Variants in IL18R1 observed in about 807,000 individuals in gnomAD.
IL18R1 encodes interleukin-18 receptor 1.
In IL18R1, 40 loss-of-function variants were observed where a neutral mutation model predicts 48.5. The ratio of observed to expected loss-of-function variants is 0.82; its 90% confidence interval spans 0.64 to 1.07. The LOEUF (loss-of-function observed/expected upper bound fraction) is 1.07. Ranked by LOEUF, IL18R1 falls within the 50% of genes least tolerant of loss-of-function variation. The probability of loss-of-function intolerance (pLI) is 0.00; values close to 1 mark genes in which losing one functional copy is unlikely to be tolerated. For missense variants in IL18R1, 596 were observed against 633.7 expected (o/e 0.94, Z 0.64); for synonymous variants, 232 against 225.9 (o/e 1.03, Z -0.24).
chr2:102,361,577 A>C (rs2105028186), intron 1 of IL18R1, among the ~76,000 whole-genome samples: 1 of 152,344 alleles, frequency 6.6e-6, no homozygotes, highest in East Asian at 1.9e-4. Flanking sequence ...CAATAATTCC[A>C]GAAACAGGCC....
chr2:102,370,834 C>A (rs193143701), intron 3 of IL18R1, among the ~76,000 whole-genome samples: 2 of 152,162 alleles, frequency 1.3e-5, no homozygotes, highest in African/African-American at 2.4e-5. Context: ...TCCTTCTATC[C>A]TATTGTAGAC....
Position 102,396,597 on chromosome 2 carries a change from G to A in IL18R1, c.1337G>A (p.Ser446Asn). The A allele has an allele frequency of 6.2e-7, 1 of 1,613,454 alleles. No individual in the cohort carries two copies. Among genetic ancestry groups the A allele is most frequent in the Non-Finnish European group, 8.5e-7 (1 of 1,179,702 alleles). Residue 446 changes from serine (S) to asparagine (N), a missense_variant, in exon 11 of 11, where the codon AGT becomes AAT. By Grantham distance (46) the Ser-to-Asn change is conservative. Transcript: ENST00000233957. ...AGACTAATCATTGTCCTAAGTAAAA[G>A]TTATATGTCTAATGAGGTCAGGTAT... ...SRRLIIVLSKSYMSNEVRYEL... is the reference protein window; with the variant it reads ...SRRLIIVLSKNYMSNEVRYEL...
intron 5 of IL18R1, among the ~76,000 whole-genome samples, chr2:102,376,930 C>T (rs901006411): frequency 2.0e-5 from 3 of 152,210 alleles, no homozygotes; most frequent in South Asian, 2.1e-4. Context: ...TATCCCTTCT[C>T]GTAGCTTCCA....
Position 102,396,625 on chromosome 2 carries a change from A to T in IL18R1, c.1365A>T (p.Glu455Asp), listed in dbSNP as rs779052145. ...KSYMSNEVRY[E>D]LESGLHEALV... ...ATATGTCTAATGAGGTCAGGTATGA[A>T]CTTGAAAGTGGACTCCATGAAGCAT... Residue 455 changes from glutamate to aspartate, a missense_variant, in exon 11 of 11, where the codon GAA becomes GAT. This residue lies in a region of IL18R1 where 179 missense variants were observed against 206.1 expected (regional missense o/e 0.87). Coordinates refer to ENST00000233957, the MANE Select transcript of IL18R1 (RefSeq NM_003855.5). 6.2e-7 allele frequency: 1 copy of T among 1,613,502 alleles called. No individual in the cohort carries two copies.
At chr2:102,393,530 G>T (rs1478983933) in intron 9 of IL18R1, among the ~76,000 whole-genome samples, 1 of 152,210 alleles carries the variant, frequency 6.6e-6, no homozygotes, top group African/African-American at 2.4e-5. Flanking sequence ...AGGCTGGGCT[G>T]TTAAGCATAA....
Position 102,397,552 on chromosome 2 carries a change from G to A in IL18R1, c.*666G>A, listed in dbSNP as rs1048029898. 1 of 152,350 alleles carries A rather than the reference G, an allele frequency of 6.6e-6. No homozygotes were observed. The highest frequency in any genetic ancestry group is 1.5e-5 in the Non-Finnish European group (1 of 68,034). The allele number at this position is 152,350 out of a possible 1,614,324, so 9.4% of individuals were successfully genotyped here. Reference sequence around the variant, plus strand: ...ATGGGAACTTCTTAAAAGGACCCCAGAATAGCTCTTTATCTTTCACAAGAG... The same window carrying A: ...ATGGGAACTTCTTAAAAGGACCCCAAAATAGCTCTTTATCTTTCACAAGAG... On this transcript the variant is annotated 3_prime_UTR_variant, in exon 11 of 11. Coordinates refer to ENST00000233957, the MANE Select transcript of IL18R1 (RefSeq NM_003855.5).
intron 9 of IL18R1, among the ~76,000 whole-genome samples, chr2:102,390,833 T>C (rs1454884273): frequency 4.7e-5 from 7 of 148,626 alleles, no homozygotes; most frequent in Non-Finnish European, 7.4e-5. Flanking sequence ...CTCGGGAGGC[T>C]GAGGCAGGAG....
intron 8 of IL18R1, 50 bp from the exon 9 acceptor site, chr2:102,390,006 T>G: frequency 6.3e-7 from 1 of 1,590,384 alleles, no homozygotes; most frequent in Non-Finnish European, 8.6e-7. Flanking sequence ...TGGACAACAC[T>G]GGTAAGATTT....
At position 102,384,850 on chromosome 2, in the gene IL18R1, CAGAACTTT is replaced by C. The variant is rs746925277; in HGVS notation, c.689-25_689-18del. ...TTTAAGAAACCTGAGTTTCAAAAATCAGAACTTTAGTTGCCAACTTTTACCAGGAAAAA... is the reference window on the plus strand; with the variant it reads ...TTTAAGAAACCTGAGTTTCAAAAATCAGTTGCCAACTTTTACCAGGAAAAA... On this transcript the variant is annotated intron_variant, in intron 6 of 10. Coordinates refer to ENST00000233957, the MANE Select transcript of IL18R1 (RefSeq NM_003855.5). The C allele has an allele frequency of 1.6e-5, 26 of 1,602,332 alleles. No homozygotes were observed. The highest frequency in any genetic ancestry group is 4.3e-6 in the Non-Finnish European group (5 of 1,175,434).
At chr2:102,393,062 C>A (rs1680636302) in intron 9 of IL18R1, among the ~76,000 whole-genome samples, 1 of 152,070 alleles carries the variant, frequency 6.6e-6, no homozygotes, top group Non-Finnish European at 1.5e-5. Flanking sequence ...AATATAAACC[C>A]ATATTTGATG....
intron 5 of IL18R1, among the ~76,000 whole-genome samples, chr2:102,376,683 G>T (rs1679606101): frequency 6.6e-6 from 1 of 152,148 alleles, no homozygotes; most frequent in Admixed American, 6.5e-5. Flanking sequence ...CTGATGTGCT[G>T]GTGGGAGGGG....
intron 1 of IL18R1, among the ~76,000 whole-genome samples, chr2:102,359,256 G>A (rs1037290867): frequency 6.6e-6 from 1 of 152,098 alleles, no homozygotes; most frequent in Non-Finnish European, 1.5e-5. Context: ...TTAATTGTTG[G>A]TGGATGAAAA....
intron 3 of IL18R1, 110 bp from the exon 4 acceptor site, chr2:102,371,842 CT>C: frequency 1.5e-6 from 1 of 655,342 alleles, no homozygotes; most frequent in South Asian, 2.1e-5. Flanking sequence ...GAATCAATCT[CT>C]TTAATAAAAA....
At chr2:102,371,693 G>T (rs1450376900) in intron 3 of IL18R1, among the ~76,000 whole-genome samples, 1 of 152,054 alleles carries the variant, frequency 6.6e-6, no homozygotes, top group South Asian at 2.1e-4. Context: ...TAGGATATGT[G>T]CGTGTGTGCG....
Position 102,398,705 on chromosome 2 carries a change from G to A in IL18R1, c.*1819G>A, listed in dbSNP as rs1294827587. The A allele has an allele frequency of 6.6e-6, 1 of 152,294 alleles. No homozygotes were observed. Among genetic ancestry groups the A allele is most frequent in the Non-Finnish European group, 1.5e-5 (1 of 68,032 alleles). The allele number at this position is 152,294 out of a possible 1,614,324, so 9.4% of individuals were successfully genotyped here. ...GCATTAAATGCATTTCAAGTTAAAT[G>A]TCTTAAATGTATACATTAGATGTGT... On this transcript the variant is annotated 3_prime_UTR_variant, in exon 11 of 11. Transcript: ENST00000233957.
chr2:102,361,721 C>A (rs1019991459), intron 1 of IL18R1, among the ~76,000 whole-genome samples: 2 of 152,186 alleles, frequency 1.3e-5, no homozygotes, highest in Non-Finnish European at 2.9e-5. Context: ...TGCCATCAGG[C>A]TGTGCTCCCT....
chr2:102,386,718 T>C (rs1024749337), intron 7 of IL18R1, 143 bp from the exon 8 acceptor site: 1 of 813,934 alleles, frequency 1.2e-6, no homozygotes, highest in Non-Finnish European at 2.0e-6. Flanking sequence ...TTTATTGTAG[T>C]CCATGCTTTA....
intron 5 of IL18R1, among the ~76,000 whole-genome samples, chr2:102,379,825 G>A (rs996435209): frequency 6.6e-6 from 1 of 152,176 alleles, no homozygotes; most frequent in Admixed American, 6.5e-5. Context: ...ATCTGCCTTT[G>A]GGAAGAGGGA....
intron 3 of IL18R1, among the ~76,000 whole-genome samples, chr2:102,369,676 CAT>C (rs1679135597): frequency 6.6e-6 from 1 of 152,216 alleles, no homozygotes; most frequent in Admixed American, 6.5e-5. Context: ...TGTGTATACA[CAT>C]ATGTGTTCTA....
Sources: gnomAD v4.1 joint callset for allele counts (sites outside exome capture counted in the v4.1 genomes callset) on GRCh38, gnomAD v4.1.1 for gene constraint, gnomAD v4.1.1 regional missense constraint, MANE v1.5 for transcripts, NCBI Gene and HGNC (gene_info 2026-07-23, HGNC 2026-07-21) for gene names.